Variants in UTP20 observed in about 807,000 individuals in gnomAD.
UTP20 encodes small subunit processome component 20 homolog.
In UTP20, 164 loss-of-function variants were observed where a neutral mutation model predicts 329.5. That is an observed-to-expected ratio of 0.50 (90% confidence interval 0.44 to 0.57). The LOEUF (loss-of-function observed/expected upper bound fraction) is 0.57, where lower values mean the gene tolerates loss of function less well. Ranked by LOEUF, UTP20 falls within the 20% of genes least tolerant of loss-of-function variation. UTP20 has a pLI of 0.00. For missense variants in UTP20, 3,055 were observed against 3,284.2 expected (o/e 0.93, Z 1.71); for synonymous variants, 1,151 against 1,159.3 (o/e 0.99, Z 0.14).
intron 27 of UTP20, 129 bp downstream of exon 27, chr12:101,329,578 C>T (rs893639255): frequency 1.1e-5 from 9 of 856,076 alleles, no homozygotes; most frequent in Non-Finnish European, 1.6e-5. Flanking sequence ...GAACAAAGCC[C>T]AAAATTGTAA....
intron 20 of UTP20, 39 bp from the exon 21 acceptor site, chr12:101,311,997 A>C (rs770035322): frequency 1.2e-6 from 2 of 1,612,262 alleles, no homozygotes; most frequent in East Asian, 2.2e-5. Context: ...ATAAATGTTG[A>C]TATTTGTCTG....
At chr12:101,324,285 T>C (rs1288434165) in intron 25 of UTP20, among the ~76,000 whole-genome samples, 1 of 151,648 alleles carries the variant, frequency 6.6e-6, no homozygotes, top group Non-Finnish European at 1.5e-5. Flanking sequence ...TCACCCAGGC[T>C]GGAAGGCAGT....
intron 2 of UTP20, among the ~76,000 whole-genome samples, chr12:101,282,729 C>G (rs1321141559): frequency 6.6e-6 from 1 of 152,156 alleles, no homozygotes; most frequent in African/African-American, 2.4e-5. Flanking sequence ...CCTCTGCTAG[C>G]CTTTTAAGGT....
intron 12 of UTP20, among the ~76,000 whole-genome samples, chr12:101,297,262 C>A (rs966994877): frequency 6.6e-6 from 1 of 152,112 alleles, no homozygotes; most frequent in African/African-American, 2.4e-5. Flanking sequence ...GTCACCCAGG[C>A]CGGAGTGCAG....
At chr12:101,322,841 T>G (rs984498760) in intron 25 of UTP20, among the ~76,000 whole-genome samples, 8 of 152,182 alleles carry the variant, frequency 5.3e-5, no homozygotes, top group Non-Finnish European at 2.9e-5. Context: ...TATACAAAAT[T>G]ACAGTTATTG....
rs763591768 is a variant in UTP20 at position 101,386,368 on chromosome 12, C to T, written c.*245C>T. ...CCTCCTAGGCACACAACACTATGCC[C>T]GGCAAATTTTTTGTATTTTGTATTT... On this transcript the variant is annotated 3_prime_UTR_variant, in exon 62 of 62. Coordinates refer to ENST00000261637, the MANE Select transcript of UTP20 (RefSeq NM_014503.3). 1.3e-4 allele frequency: 41 copies of T among 320,488 alleles called. No homozygotes were observed. Among genetic ancestry groups the T allele is most frequent in the South Asian group, 3.1e-4 (3 of 9,720 alleles). The allele number at this position is 320,488 out of a possible 1,614,324, so 19.9% of individuals were successfully genotyped here. A position where few individuals can be genotyped will look rare whatever the true frequency, so the allele number is the denominator to read the frequency against.
chr12:101,290,305 A>T, intron 7 of UTP20, 31 bp downstream of exon 7: 1 of 1,554,024 alleles, frequency 6.4e-7, no homozygotes, highest in Non-Finnish European at 8.7e-7. Context: ...CTTAGAGTCT[A>T]TGTGGATGGA....
chr12:101,370,693 A>G, intron 50 of UTP20, 130 bp downstream of exon 50: 3 of 1,031,280 alleles, frequency 2.9e-6, no homozygotes, highest in Non-Finnish European at 4.1e-6. Context: ...GATTATTATG[A>G]TTTTGGTGGG....
chr12:101,364,681 AC>A (rs1221675847), intron 45 of UTP20, among the ~76,000 whole-genome samples: 1 of 152,168 alleles, frequency 6.6e-6, no homozygotes, highest in Non-Finnish European at 1.5e-5. Flanking sequence ...GTGTATTAAA[AC>A]TAGAGCAAAG....
At chr12:101,316,751 T>G (rs1872984209) in intron 21 of UTP20, among the ~76,000 whole-genome samples, 1 of 152,174 alleles carries the variant, frequency 6.6e-6, no homozygotes, top group Admixed American at 6.5e-5. Context: ...GTTAATTGTT[T>G]GGGTGAGTGA....
At chr12:101,383,814 A>G (rs971493180) in intron 60 of UTP20, 145 bp downstream of exon 60, 2 of 275,598 alleles carry the variant, frequency 7.3e-6, no homozygotes, top group Non-Finnish European at 1.1e-5. Flanking sequence ...TATATTATAT[A>G]CTTATATATG....
chr12:101,303,344 G>A (rs1256943371), intron 15 of UTP20, among the ~76,000 whole-genome samples: 1 of 152,194 alleles, frequency 6.6e-6, no homozygotes, highest in Non-Finnish European at 1.5e-5. Context: ...GAGGTGCTAA[G>A]TGCTGTGAAG....
intron 19 of UTP20, among the ~76,000 whole-genome samples, chr12:101,311,039 G>A (rs950012825): frequency 6.6e-6 from 1 of 152,190 alleles, no homozygotes; most frequent in African/African-American, 2.4e-5. Context: ...TAGTGGCTGG[G>A]CTGTCTTCCT....
intron 38 of UTP20, 131 bp from the exon 39 acceptor site, chr12:101,351,924 T>G (rs1869541863): frequency 5.6e-6 from 6 of 1,065,680 alleles, no homozygotes. Flanking sequence ...GGGAAAAAAT[T>G]AGTATAGTTT....
At chr12:101,283,141 C>T (rs1871852726) in intron 2 of UTP20, among the ~76,000 whole-genome samples, 1 of 152,112 alleles carries the variant, frequency 6.6e-6, no homozygotes, top group Non-Finnish European at 1.5e-5. Context: ...ACAGATTTGG[C>T]ATTTAGAATA....
intron 2 of UTP20, among the ~76,000 whole-genome samples, chr12:101,283,072 T>C (rs1871850800): frequency 6.6e-6 from 1 of 152,254 alleles, no homozygotes; most frequent in Non-Finnish European, 1.5e-5. Context: ...CAAATGATAG[T>C]GTCCAAAAGA....
intron 40 of UTP20, among the ~76,000 whole-genome samples, chr12:101,353,959 G>A (rs1180300306): frequency 6.6e-6 from 1 of 151,834 alleles, no homozygotes. Flanking sequence ...ACCATTAAAG[G>A]AATTGAATGC....
At chr12:101,283,031 G>A (rs1032727755) in intron 2 of UTP20, among the ~76,000 whole-genome samples, 1 of 152,218 alleles carries the variant, frequency 6.6e-6, no homozygotes, top group Non-Finnish European at 1.5e-5. Flanking sequence ...AGTTCCATTT[G>A]GGGCTTGAAT....
At chr12:101,351,877 T>C (rs1217346028) in intron 38 of UTP20, among the ~76,000 whole-genome samples, 178 bp from the exon 39 acceptor site, 3 of 152,208 alleles carry the variant, frequency 2.0e-5, no homozygotes, top group Non-Finnish European at 4.4e-5. Context: ...AATGATGTCA[T>C]TCCTTTAAAT....
Sources: allele counts gnomAD v4.1 joint callset (sites outside exome capture counted in the v4.1 genomes callset), GRCh38; gene constraint gnomAD v4.1.1; transcripts MANE v1.5; gene names NCBI Gene and HGNC (gene_info 2026-07-23, HGNC 2026-07-21).